CASD1: variants seen among roughly 807,000 people sequenced by gnomAD.
The protein encoded by CASD1 is N-acetylneuraminate (7)9-O-acetyltransferase.
A neutral mutation model predicts 100.0 loss-of-function variants in CASD1; 41 were observed. The ratio of observed to expected loss-of-function variants is 0.41; its 90% CI spans 0.32 to 0.53. The LOEUF is 0.53. Among genes scored for constraint, CASD1 ranks in the 20% least tolerant of loss-of-function variants. CASD1 has a pLI of 0.25. For synonymous variants in CASD1, 321 were observed against 315.6 expected (o/e 1.02, Z -0.18); for missense variants, 774 against 948.7 (o/e 0.82, Z 2.42).
chr7:94,568,891 T>C, the CASD1 span, among the ~76,000 whole-genome samples: 1 of 152,192 alleles, frequency 6.6e-6, no homozygotes, highest in African/African-American at 2.4e-5. Context: ...CACTTTGATC[T>C]TGTACTTCCT....
chr7:94,511,819 A>T (rs1376379011), intron 1 of CASD1, among the ~76,000 whole-genome samples: 1 of 152,158 alleles, frequency 6.6e-6, no homozygotes, highest in East Asian at 1.9e-4. Context: ...TTATTTTTAG[A>T]TTATAGATTT....
At chr7:94,616,903 C>A in the CASD1 span, 8 of 152,066 alleles carry the variant, frequency 5.3e-5, no homozygotes, top group Admixed American at 5.2e-4. Context: ...TAAGGCTTAA[C>A]ATTAAATTAA....
At position 94,552,568 on chromosome 7, in the gene CASD1, T is replaced by G. The variant is rs558683163; in HGVS notation, c.2034+141T>G. The G allele has an allele frequency of 8.3e-5, 50 of 604,592 alleles. No individual in the cohort carries two copies. The African/African-American group carries it at 9.3e-4, about 11-fold the overall frequency. 37.5% of individuals were successfully genotyped at this position (604,592 alleles called of 1,614,324 possible). ...TTCTAAGCCCTTCCTTTCTCTGTAG[T>G]AATAGGGATATTAAAATCTCTTTCA... On this transcript the variant is annotated intron_variant, in intron 16 of 17. Transcript: ENST00000297273.
At chr7:94,533,566 TAAATA>T in intron 6 of CASD1, 108 bp from the exon 7 acceptor site, 5 of 799,514 alleles carry the variant, frequency 6.3e-6, no homozygotes, top group Non-Finnish European at 9.1e-6. Flanking sequence ...ATTCTAATAT[TAAATA>T]AAATGAGAAA....
rs1796172873 is a variant in CASD1, at chr7:94,555,752, AC to A, written c.2389del (p.His797IlefsTer7). On this transcript the variant is annotated frameshift_variant, in exon 18 of 18. Transcript: ENST00000297273. LOFTEE classifies it high-confidence loss of function. ...TATCATCCATTCAAGATAAATCAAAACATTAGGTTCCAAAAATTCTAAAAAA... is the reference window on the plus strand; with the variant it reads ...TATCATCCATTCAAGATAAATCAAAAATTAGGTTCCAAAAATTCTAAAAAA... ...ILSSIQDKSK[H>X] is the part of the protein sequence containing the mutation. 6.2e-7 allele frequency: 1 copy of A among 1,609,128 alleles called. No homozygotes were observed. The highest frequency in any genetic ancestry group is 1.1e-5 in the South Asian group (1 of 90,320).
rs927695882 is a variant in CASD1 at position 94,509,866 on chromosome 7, T to C, written c.-219T>C. On this transcript the variant is annotated 5_prime_UTR_variant, in exon 1 of 18. Coordinates refer to ENST00000297273, the MANE Select transcript of CASD1 (RefSeq NM_022900.5). ...CACGGCGGAGCAGCGGCGGCGGGGC[T>C]GGGGGGAGGCCGCCGAGTCGGCCGC... is the stretch of plus-strand genomic sequence containing the variant. 11 of 1,013,118 alleles carry C rather than the reference T, an allele frequency of 1.1e-5. No homozygotes were observed. The highest frequency in any genetic ancestry group is 1.3e-5 in the Non-Finnish European group (11 of 847,254). The allele number at this position is 1,013,118 out of a possible 1,614,324, so 62.8% of individuals were successfully genotyped here.
chr7:94,545,619 T>C lies in CASD1; in HGVS notation c.1551T>C (p.Phe517=). The C allele has an allele frequency of 6.2e-7, 1 of 1,610,694 alleles. No individual in the cohort carries two copies. The highest frequency in any genetic ancestry group is 2.2e-5 in the East Asian group (1 of 44,758). ...VMDRPYQFYY[F]VPLVTVWFMV... ...ATCGACCTTATCAATTCTATTACTTTGTCCCCTTGGTCACTGTATGGTTCA... is the reference window on the plus strand; with the variant it reads ...ATCGACCTTATCAATTCTATTACTTCGTCCCCTTGGTCACTGTATGGTTCA... Residue 517 remains phenylalanine, a synonymous_variant, in exon 12 of 18, where the codon TTT becomes TTC. Coordinates refer to ENST00000297273, the MANE Select transcript of CASD1 (RefSeq NM_022900.5).
chr7:94,562,212 GA>G, the CASD1 span, among the ~76,000 whole-genome samples: 1 of 152,166 alleles, frequency 6.6e-6, no homozygotes, highest in South Asian at 2.1e-4. Context: ...GCTCCATCTA[GA>G]AAACAGGGCA....
At chr7:94,596,461 G>C in the CASD1 span, among the ~76,000 whole-genome samples, 1 of 152,160 alleles carries the variant, frequency 6.6e-6, no homozygotes, top group Non-Finnish European at 1.5e-5. Context: ...AAATTCTACA[G>C]CACTGTTTGT....
At chr7:94,512,933 T>C (rs1359194624) in intron 1 of CASD1, among the ~76,000 whole-genome samples, 1 of 152,214 alleles carries the variant, frequency 6.6e-6, no homozygotes, top group African/African-American at 2.4e-5. Context: ...TTAGTCTGTC[T>C]CATGCCTTAT....
the CASD1 span, chr7:94,624,456 A>G: frequency 1.4e-5 from 5 of 368,234 alleles, no homozygotes; most frequent in African/African-American, 6.3e-5. Flanking sequence ...TTTGAAAGGC[A>G]TATTACTCCA....
the CASD1 span, among the ~76,000 whole-genome samples, chr7:94,615,851 C>T: frequency 1.2e-4 from 18 of 152,182 alleles, no homozygotes; most frequent in Non-Finnish European, 1.5e-4. Flanking sequence ...TTCTTCCCAC[C>T]AGCTTTATCC....
rs138184374 is a variant in CASD1 at position 94,554,777 on chromosome 7, C to G, written c.2127+202C>G. Reference sequence around the variant, plus strand: ...AAAGTATTTTGGAATGTTTTTAAGCCTTATTTTTAAATGACTAGATATAGA... The same window carrying G: ...AAAGTATTTTGGAATGTTTTTAAGCGTTATTTTTAAATGACTAGATATAGA... On this transcript the variant is annotated intron_variant, in intron 17 of 17. Coordinates refer to ENST00000297273, the MANE Select transcript of CASD1 (RefSeq NM_022900.5). Among the ~76,000 whole-genome samples, 860 of 152,056 alleles carry G rather than the reference C, an allele frequency of 5.7e-3. 5 individuals carry two copies. The highest frequency in any genetic ancestry group is 0.028 in the South Asian group (134 of 4,822).
At chr7:94,524,955 G>A (rs761228294) in intron 3 of CASD1, among the ~76,000 whole-genome samples, 8 of 152,046 alleles carry the variant, frequency 5.3e-5, no homozygotes, top group Non-Finnish European at 1.2e-4. Context: ...ATTGGATATG[G>A]ACTGTGTATT....
chr7:94,563,853 G>A, the CASD1 span, among the ~76,000 whole-genome samples: 2 of 152,014 alleles, frequency 1.3e-5, no homozygotes, highest in South Asian at 4.1e-4. Context: ...TATTTTGATG[G>A]ACATGTCTTG....
the CASD1 span, among the ~76,000 whole-genome samples, chr7:94,580,724 T>A: frequency 1.3e-5 from 2 of 152,240 alleles, no homozygotes. Context: ...ACCAATTATT[T>A]CACAATGCAC....
chr7:94,605,523 CAA>C, the CASD1 span, among the ~76,000 whole-genome samples: 13 of 150,798 alleles, frequency 8.6e-5, no homozygotes, highest in African/African-American at 3.2e-4. Context: ...AGCAATGATA[CAA>C]GAGAGATGAG....
chr7:94,539,709 T>A (rs1795299718), intron 10 of CASD1, among the ~76,000 whole-genome samples: 1 of 151,182 alleles, frequency 6.6e-6, no homozygotes, highest in Non-Finnish European at 1.5e-5. Flanking sequence ...TTGAAGATGA[T>A]AATTATAAAG....
chr7:94,563,051 T>C, the CASD1 span, among the ~76,000 whole-genome samples: 1 of 152,140 alleles, frequency 6.6e-6, no homozygotes, highest in Non-Finnish European at 1.5e-5. Flanking sequence ...CTCAACCCTA[T>C]CTTACATACA....
Sources: gnomAD v4.1 joint callset for allele counts (sites outside exome capture counted in the v4.1 genomes callset) on GRCh38, gnomAD v4.1.1 for gene constraint, MANE v1.5 for transcripts, NCBI Gene and HGNC (gene_info 2026-07-23, HGNC 2026-07-21) for gene names.